Variants in SEC31A observed in about 807,000 individuals in gnomAD.
SEC31A encodes SEC31 homolog A, COPII component.
A neutral mutation model predicts 151.0 loss-of-function variants in SEC31A; 70 were observed. The ratio of observed to expected loss-of-function variants is 0.46; its 90% CI spans 0.38 to 0.57. SEC31A has a LOEUF of 0.57. Ranked by LOEUF, SEC31A falls within the 20% of genes least tolerant of loss-of-function variation. The pLI, the probability that SEC31A is intolerant of heterozygous loss-of-function variation, is 0.00. For synonymous variants in SEC31A, 475 were observed against 505.9 expected, an observed-to-expected ratio of 0.94 and a Z score of 0.82; for missense variants, 1,330 against 1,471.2, an observed-to-expected ratio of 0.90 and a Z score of 1.57.
intron 24 of SEC31A, among the ~76,000 whole-genome samples, chr4:82,826,695 AAG>A (rs1312830233): frequency 6.6e-6 from 1 of 152,226 alleles, no homozygotes. Context: ...ATCTTGTGAC[AAG>A]AGATACAGTC....
intron 8 of SEC31A, among the ~76,000 whole-genome samples, chr4:82,869,328 C>T (rs1736123835): frequency 6.7e-6 from 1 of 149,830 alleles, no homozygotes; most frequent in South Asian, 2.1e-4. Flanking sequence ...GACAGGGTTT[C>T]ATCGTGTTAG....
At chr4:82,872,872 T>C (rs1737056331) in intron 6 of SEC31A, among the ~76,000 whole-genome samples, 1 of 151,872 alleles carries the variant, frequency 6.6e-6, no homozygotes, top group South Asian at 2.1e-4. Flanking sequence ...GCCTGGCTAA[T>C]TTTTTGTATT....
chr4:82,856,046 A>C (rs1324761010), intron 16 of SEC31A, among the ~76,000 whole-genome samples: 1 of 152,220 alleles, frequency 6.6e-6, no homozygotes, highest in Non-Finnish European at 1.5e-5. Flanking sequence ...CACTATATAA[A>C]CAAGCGTGTT....
chr4:82,899,200 G>A (rs1435372696), intron 3 of SEC31A, among the ~76,000 whole-genome samples: 1 of 152,160 alleles, frequency 6.6e-6, no homozygotes, highest in African/African-American at 2.4e-5. Flanking sequence ...TGAGCGGGGT[G>A]GGGGAATATT....
At chr4:82,888,616 G>C (rs1381282431) in intron 1 of SEC31A, among the ~76,000 whole-genome samples, 1 of 151,824 alleles carries the variant, frequency 6.6e-6, no homozygotes, top group African/African-American at 2.4e-5. Flanking sequence ...TTGAACCCAG[G>C]TGACGGAGTT....
At chr4:82,845,529 G>A (rs1178575715) in intron 20 of SEC31A, among the ~76,000 whole-genome samples, 3 of 151,400 alleles carry the variant, frequency 2.0e-5, no homozygotes, top group Non-Finnish European at 4.4e-5. Context: ...GAAGGCAGGA[G>A]AAAAATCAAT....
chr4:82,871,760 AC>A, intron 7 of SEC31A, 183 bp downstream of exon 7: 1 of 652,252 alleles, frequency 1.5e-6, no homozygotes, highest in Non-Finnish European at 2.5e-6. Context: ...AATCGTTTGA[AC>A]CTGGGAGGCA....
chr4:82,884,661 G>A (rs951107536), intron 1 of SEC31A, among the ~76,000 whole-genome samples: 1 of 152,160 alleles, frequency 6.6e-6, no homozygotes, highest in Non-Finnish European at 1.5e-5. Flanking sequence ...TGTCATTATA[G>A]TATCACACAG....
intron 13 of SEC31A, 130 bp from the exon 14 acceptor site, chr4:82,861,838 G>A (rs920946859): frequency 2.2e-4 from 67 of 304,158 alleles, no homozygotes; most frequent in Middle Eastern, 4.5e-4. Flanking sequence ...GCAACAGTGA[G>A]TAAATTTATT....
intron 24 of SEC31A, among the ~76,000 whole-genome samples, chr4:82,825,724 GAGATGGATCAAAGT>G (rs1439456747): frequency 6.6e-6 from 1 of 152,216 alleles, no homozygotes; most frequent in East Asian, 1.9e-4. Context: ...GGCCAAATTA[GAGATGGATCAAAGT>G]AGATATCGGC....
intron 14 of SEC31A, among the ~76,000 whole-genome samples, chr4:82,859,852 C>T (rs1362537129): frequency 1.3e-4 from 19 of 149,104 alleles, no homozygotes; most frequent in Non-Finnish European, 1.9e-4. Context: ...AGTGCAGTGG[C>T]GCATTCTCAG....
chr4:82,879,335 T>C (rs1738721129), intron 3 of SEC31A, among the ~76,000 whole-genome samples: 1 of 148,826 alleles, frequency 6.7e-6, no homozygotes, highest in Non-Finnish European at 1.5e-5. Context: ...ACTCTTTATT[T>C]GACTATAGAA....
intron 3 of SEC31A, among the ~76,000 whole-genome samples, chr4:82,899,194 C>T (rs1025647363): frequency 2.0e-5 from 3 of 151,956 alleles, no homozygotes; most frequent in Non-Finnish European, 2.9e-5. Flanking sequence ...GTTTGCTGAG[C>T]GGGGTGGGGG....
At chr4:82,900,561 G>C (rs906553991), upstream of SEC31A, 2 of 545,492 alleles carry the variant, frequency 3.7e-6, no homozygotes, top group Admixed American at 3.4e-5. Flanking sequence ...GGGAGGAGCG[G>C]TCAAATGCAC....
chr4:82,861,888 G>GA, intron 13 of SEC31A, 180 bp from the exon 14 acceptor site: 1 of 285,148 alleles, frequency 3.5e-6, no homozygotes, highest in Admixed American at 5.2e-5. Context: ...AACTATTACT[G>GA]CTAACACTTT....
chr4:82,857,589 C>A lies in SEC31A; in HGVS notation c.1702+100G>T, dbSNP rs1215556555. ...CCAAGTAGCTGGGACTATAAGCATG[C>A]ACCACAGCACCTGACTTGAAGCATT... On this transcript the variant is annotated intron_variant, in intron 15 of 26. Coordinates refer to ENST00000395310, the MANE Select transcript of SEC31A (RefSeq NM_001077207.4). 1.3e-5 allele frequency: 10 copies of A among 773,238 alleles called. No individual in the cohort carries two copies. The East Asian group carries it at 1.5e-4, about 12-fold the overall frequency. The allele number at this position is 773,238 out of a possible 1,614,324, so 47.9% of individuals were successfully genotyped here. A position where few individuals can be genotyped will look rare whatever the true frequency, so the allele number is the denominator to read the frequency against.
At chr4:82,839,168 G>A (rs766531926) in intron 22 of SEC31A, among the ~76,000 whole-genome samples, 5 of 151,250 alleles carry the variant, frequency 3.3e-5, no homozygotes, top group Non-Finnish European at 5.9e-5. Context: ...TTTCTTTTTT[G>A]AGATGGAGTT....
At chr4:82,823,681 G>A (rs1383489588) in intron 25 of SEC31A, among the ~76,000 whole-genome samples, 2 of 152,196 alleles carry the variant, frequency 1.3e-5, no homozygotes, top group Admixed American at 1.3e-4. Flanking sequence ...AGTAAACTAA[G>A]TAAAATCAGT....
chr4:82,883,227 C>A (rs1739797242), intron 1 of SEC31A, among the ~76,000 whole-genome samples: 1 of 152,116 alleles, frequency 6.6e-6, no homozygotes, highest in African/African-American at 2.4e-5. Context: ...TAGTACTGCA[C>A]TATAAGATGT....
Sources: allele counts gnomAD v4.1 joint callset (sites outside exome capture counted in the v4.1 genomes callset), GRCh38; gene constraint gnomAD v4.1.1; transcripts MANE v1.5; gene names NCBI Gene and HGNC (gene_info 2026-07-23, HGNC 2026-07-21).